Variants in SNTG2 observed in about 807,000 individuals in gnomAD.
SNTG2 encodes the protein gamma-2-syntrophin.
In SNTG2, 74 loss-of-function variants were observed where a neutral mutation model predicts 70.9. The ratio of observed to expected loss-of-function variants is 1.04; its 90% confidence interval spans 0.86 to 1.27. The LOEUF (loss-of-function observed/expected upper bound fraction) is 1.27, where lower values mean the gene tolerates loss of function less well. Ranked by LOEUF, SNTG2 falls within the 50% of genes most tolerant of loss-of-function variation. The pLI is 0.00. For synonymous variants in SNTG2, 278 were observed against 273.8 expected (o/e 1.02, Z -0.15); for missense variants, 717 against 690.7 (o/e 1.04, Z -0.43).
chr2:1,211,033 T>A (rs950501535), intron 9 of SNTG2, among the ~76,000 whole-genome samples: 4 of 152,236 alleles, frequency 2.6e-5, no homozygotes, highest in Non-Finnish European at 4.4e-5. Flanking sequence ...ATATAGATGA[T>A]TTATTGCAGT....
At chr2:1,197,507 G>GTATATATGTGTA (rs1558519118) in intron 8 of SNTG2, among the ~76,000 whole-genome samples, 7 of 78,084 alleles carry the variant, frequency 9.0e-5, no homozygotes, top group African/African-American at 2.5e-4. Context: ...ATATGTGTAT[G>GTATATATGTGTA]TATATATATG....
At position 1,367,410 on chromosome 2, in the gene SNTG2, C is replaced by A. The variant is rs904634280; in HGVS notation, c.1556C>A (p.Ala519Asp). 4 of 1,551,586 alleles carry A rather than the reference C, an allele frequency of 2.6e-6. No homozygotes were observed. In the African/African-American group the frequency reaches 5.5e-5, roughly 21 times the overall value. ...CACTCCTTCATAGCAGCCAAGGTGG[C>A]CTCCGTGGACCCCGGCTTCATGGAC... ...CIHSFIAAKV[A>D]SVDPGFMDSQ... The change falls in exon 17 of 17, where the codon GCC becomes GAC. Residue 519 changes from alanine (A) to aspartate (D), a missense_variant. Coordinates refer to ENST00000308624, the MANE Select transcript of SNTG2 (RefSeq NM_018968.4).
chr2:1,164,520 C>T lies in SNTG2; in HGVS notation c.412-1028C>T, dbSNP rs558554583. Among the ~76,000 whole-genome samples, 117 of 118,610 alleles carry T rather than the reference C, an allele frequency of 9.9e-4. 1 individual carries two copies. Among genetic ancestry groups the T allele is most frequent in the East Asian group, 4.4e-3 (16 of 3,676 alleles). The allele number at this position is 118,610 out of a possible 152,430, so 77.8% of individuals were successfully genotyped here. On this transcript the variant is annotated intron_variant, in intron 6 of 16. Transcript: ENST00000308624. ...TAGGAGGATGAAGTGAGGTAGGAACCTGCCCAAACTGTGGGCAGTCTCTGT... is the reference window on the plus strand; with the variant it reads ...TAGGAGGATGAAGTGAGGTAGGAACTTGCCCAAACTGTGGGCAGTCTCTGT...
intron 8 of SNTG2, among the ~76,000 whole-genome samples, chr2:1,173,734 C>CTCTCCTTCCTCA (rs1430984784): frequency 6.6e-6 from 1 of 152,180 alleles, no homozygotes; most frequent in African/African-American, 2.4e-5. Flanking sequence ...GGGGCTCACA[C>CTCTCCTTCCTCA]TCTCCTTCCT....
intron 1 of SNTG2, among the ~76,000 whole-genome samples, chr2:1,021,392 C>T (rs2148011821): frequency 6.6e-6 from 1 of 152,172 alleles, no homozygotes; most frequent in African/African-American, 2.4e-5. Context: ...TTTGCTGAAT[C>T]CAGAAATGGC....
intron 9 of SNTG2, among the ~76,000 whole-genome samples, chr2:1,230,833 C>T (rs935195566): frequency 3.9e-5 from 6 of 152,226 alleles, no homozygotes; most frequent in African/African-American, 1.2e-4. Context: ...GTGCCTCTTC[C>T]ATAGGGTCAC....
At chr2:1,272,107 G>T (rs1483284820) in intron 14 of SNTG2, among the ~76,000 whole-genome samples, 1 of 151,982 alleles carries the variant, frequency 6.6e-6, no homozygotes, top group South Asian at 2.1e-4. Context: ...GATGATTCAA[G>T]CACATTACAT....
intron 1 of SNTG2, among the ~76,000 whole-genome samples, chr2:1,055,887 G>A (rs1053921673): frequency 1.3e-5 from 2 of 152,126 alleles, no homozygotes; most frequent in African/African-American, 4.8e-5. Flanking sequence ...GTGAGGCTGG[G>A]GCACGACTGA....
At chr2:1,153,124 C>CAAAAAA (rs60254441) in intron 6 of SNTG2, among the ~76,000 whole-genome samples, 43 of 134,250 alleles carry the variant, frequency 3.2e-4, no homozygotes, top group East Asian at 1.9e-3. Flanking sequence ...AACTCCATCT[C>CAAAAAA]AAAAAAAAAA....
chr2:1,087,511 T>G (rs999974101), intron 2 of SNTG2, among the ~76,000 whole-genome samples: 1 of 152,164 alleles, frequency 6.6e-6, no homozygotes, highest in Admixed American at 6.5e-5. Context: ...TTTGCCACTC[T>G]GTTAGACTAT....
chr2:1,179,939 CAAACCTGAGAA>C (rs1271060686), intron 8 of SNTG2, among the ~76,000 whole-genome samples: 1 of 140,368 alleles, frequency 7.1e-6, no homozygotes. Flanking sequence ...TGATCTTTGA[CAAACCTGAGAA>C]AAACAAGCAA....
chr2:1,014,137 C>T (rs186170494), intron 1 of SNTG2, among the ~76,000 whole-genome samples: 3 of 5,956 alleles, frequency 5.0e-4, no homozygotes, highest in African/African-American at 1.1e-3. Flanking sequence ...GGAGAAGGAT[C>T]TATATGGGCA....
chr2:1,330,218 C>A (rs1659452145), intron 16 of SNTG2, among the ~76,000 whole-genome samples: 1 of 152,230 alleles, frequency 6.6e-6, no homozygotes, highest in Admixed American at 6.5e-5. Context: ...AAGGATTATA[C>A]ATGGGTCCCC....
chr2:1,263,933 C>T (rs1292537333), intron 13 of SNTG2, among the ~76,000 whole-genome samples: 29 of 152,184 alleles, frequency 1.9e-4, no homozygotes, highest in Admixed American at 1.8e-3. Context: ...TTATAATACA[C>T]AGCTGCCCAA....
intron 14 of SNTG2, among the ~76,000 whole-genome samples, chr2:1,301,023 G>A (rs974395721): frequency 6.6e-5 from 10 of 152,140 alleles, no homozygotes; most frequent in African/African-American, 2.2e-4. Context: ...GACTGTGTGC[G>A]AGAGGAAATT....
At chr2:1,075,665 C>T (rs979045492) in intron 1 of SNTG2, among the ~76,000 whole-genome samples, 6 of 152,092 alleles carry the variant, frequency 3.9e-5, no homozygotes, top group African/African-American at 1.4e-4. Flanking sequence ...TGTGGATTTT[C>T]CTCACTCAAA....
At chr2:1,226,096 T>A (rs1019703455) in intron 9 of SNTG2, among the ~76,000 whole-genome samples, 1 of 152,192 alleles carries the variant, frequency 6.6e-6, no homozygotes, top group African/African-American at 2.4e-5. Flanking sequence ...AAAGTTGGAA[T>A]GTAAGGCATT....
At chr2:1,351,658 C>T (rs1024275282) in intron 16 of SNTG2, among the ~76,000 whole-genome samples, 1 of 152,220 alleles carries the variant, frequency 6.6e-6, no homozygotes, top group African/African-American at 2.4e-5. Flanking sequence ...CAGCCGGGCT[C>T]AACAGCCTGG....
chr2:1,294,144 C>T (rs1488014442), intron 14 of SNTG2, among the ~76,000 whole-genome samples: 2 of 152,228 alleles, frequency 1.3e-5, no homozygotes, highest in Non-Finnish European at 2.9e-5. Flanking sequence ...TCCTCAGTGG[C>T]TCCTATTTTT....
Sources: gnomAD v4.1 joint callset for allele counts (sites outside exome capture counted in the v4.1 genomes callset) on GRCh38, gnomAD v4.1.1 for gene constraint, MANE v1.5 for transcripts, NCBI Gene and HGNC (gene_info 2026-07-23, HGNC 2026-07-21) for gene names.